The following GRIN3A variants were observed in gnomAD, a reference collection of about 807,000 sequenced individuals.
GRIN3A encodes glutamate ionotropic receptor NMDA type subunit 3A, also known as glutamate receptor ionotropic, NMDA 3A.
Under a neutral mutation model 92.4 loss-of-function variants are expected in GRIN3A, and 47 were observed. The observed-to-expected ratio is 0.51, with a 90% CI of 0.40 to 0.65. The LOEUF (loss-of-function observed/expected upper bound fraction) is 0.65. GRIN3A is among the 30% of genes least tolerant of loss of function. The pLI is 0.00. For synonymous variants in GRIN3A, 527 were observed against 540.6 expected, an observed-to-expected ratio of 0.97 and a Z score of 0.35; for missense variants, 1,324 against 1,393.1, an observed-to-expected ratio of 0.95 and a Z score of 0.79.
chr9:101,597,370 C>T (rs2118821405), intron 6 of GRIN3A, among the ~76,000 whole-genome samples: 1 of 152,206 alleles, frequency 6.6e-6, no homozygotes, highest in African/African-American at 2.4e-5. Context: ...ACATGCTCTT[C>T]CTTATAAGAA....
chr9:101,649,464 T>C (rs563661739), intron 3 of GRIN3A, among the ~76,000 whole-genome samples: 1 of 151,926 alleles, frequency 6.6e-6, no homozygotes, highest in South Asian at 2.1e-4. Flanking sequence ...AGGGCAAGAG[T>C]GGGCTTTTCA....
At chr9:101,576,352 A>G (rs1389567376) in intron 8 of GRIN3A, among the ~76,000 whole-genome samples, 1 of 152,202 alleles carries the variant, frequency 6.6e-6, no homozygotes. Context: ...GTATAGAGGT[A>G]GGCACAGGAA....
intron 2 of GRIN3A, among the ~76,000 whole-genome samples, chr9:101,684,837 C>T (rs931705934): frequency 2.0e-5 from 3 of 152,254 alleles, no homozygotes; most frequent in Non-Finnish European, 4.4e-5. Context: ...AGTGGTTTTT[C>T]CTGGCTGCTG....
intron 3 of GRIN3A, among the ~76,000 whole-genome samples, chr9:101,629,429 A>T (rs1828683260): frequency 6.6e-6 from 1 of 152,194 alleles, no homozygotes; most frequent in Non-Finnish European, 1.5e-5. Context: ...TCGTTCATTT[A>T]TTCAACACTT....
intron 6 of GRIN3A, among the ~76,000 whole-genome samples, chr9:101,606,888 G>A (rs959043328): frequency 6.7e-6 from 1 of 149,684 alleles, no homozygotes; most frequent in African/African-American, 2.5e-5. Flanking sequence ...ATTCACTTGG[G>A]GAGTTGAAAA....
At position 101,670,982 on chromosome 9, in the gene GRIN3A, A is replaced by G. The variant is rs771699119; in HGVS notation, c.1430T>C (p.Met477Thr). 27 of 1,613,882 alleles carry G rather than the reference A, an allele frequency of 1.7e-5. No individual in the cohort carries two copies. The highest frequency in any genetic ancestry group is 5.0e-5 in the Admixed American group (3 of 59,984). Residue 477 changes from methionine (M) to threonine (T), a missense_variant, in exon 3 of 9, where the codon ATG becomes ACG. Coordinates refer to ENST00000361820, the MANE Select transcript of GRIN3A (RefSeq NM_133445.3). ...CTGCCAGCTGCCCAAGCGGGTCCAC[A>G]TTGGCTTTCCCATGGGGTCATGTTG... is the stretch of plus-strand genomic sequence containing the variant. ...NLQHDPMGKP[M>T]WTRLGSWQGG...
intron 5 of GRIN3A, 109 bp downstream of exon 5, chr9:101,623,209 G>C: frequency 1.3e-6 from 1 of 763,600 alleles, no homozygotes; most frequent in Non-Finnish European, 2.4e-6. Flanking sequence ...AAATGAAAAC[G>C]AGGGAAGATG....
chr9:101,630,961 T>C (rs1828702372), intron 3 of GRIN3A, among the ~76,000 whole-genome samples: 1 of 152,236 alleles, frequency 6.6e-6, no homozygotes, highest in Admixed American at 6.5e-5. Flanking sequence ...TTTATCCATT[T>C]AACTTATATG....
intron 6 of GRIN3A, among the ~76,000 whole-genome samples, chr9:101,609,029 A>G (rs761286410): frequency 6.6e-6 from 1 of 152,148 alleles, no homozygotes; most frequent in Non-Finnish European, 1.5e-5. Context: ...TTCAACATGT[A>G]TTCTTCTGTC....
intron 1 of GRIN3A, among the ~76,000 whole-genome samples, chr9:101,714,719 T>G (rs1829922197): frequency 6.6e-6 from 1 of 152,056 alleles, no homozygotes; most frequent in African/African-American, 2.4e-5. Context: ...CAAGATAAAT[T>G]TTTTTCTGGG....
chr9:101,702,451 C>T (rs1488608579), intron 1 of GRIN3A, among the ~76,000 whole-genome samples: 2 of 152,200 alleles, frequency 1.3e-5, no homozygotes, highest in Non-Finnish European at 2.9e-5. Flanking sequence ...CTCACCTCTA[C>T]ATACCTTTCA....
intron 1 of GRIN3A, among the ~76,000 whole-genome samples, chr9:101,700,701 A>G (rs908078576): frequency 6.6e-6 from 1 of 152,190 alleles, no homozygotes; most frequent in African/African-American, 2.4e-5. Context: ...AGAATGTATC[A>G]ATATTGGGTC....
At position 101,737,785 on chromosome 9, in the gene GRIN3A, G is replaced by A. The variant is rs1288458601; in HGVS notation, c.195C>T (p.Ala65=). The A allele has an allele frequency of 2.6e-6, 4 of 1,528,080 alleles. No individual in the cohort carries two copies. In the Admixed American group the frequency reaches 5.9e-5, roughly 23 times the overall value. The allele number at this position is 1,528,080 out of a possible 1,614,324, so 94.7% of individuals were successfully genotyped here. A position where few individuals can be genotyped will look rare whatever the true frequency, so the allele number is the denominator to read the frequency against. Residue 65 remains alanine (A), a synonymous_variant, in exon 1 of 9, where the codon GCC becomes GCT. Transcript: ENST00000361820. ...LQPWTTAPRA[A]SRAPDDSRAG... is the part of the protein sequence containing the mutation. ...CTCGGCTGTCGTCCGGAGCGCGGCT[G>A]GCCGCGCGGGGGGCGGTGGTCCAGG... is the stretch of plus-strand genomic sequence containing the variant.
chr9:101,737,667 G>A lies in GRIN3A; in HGVS notation c.313C>T (p.Arg105Trp). The A allele has an allele frequency of 2.5e-6, 4 of 1,591,690 alleles. No individual in the cohort carries two copies. The highest frequency in any genetic ancestry group is 1.1e-5 in the South Asian group (1 of 89,416). The change falls in exon 1 of 9, where the codon CGG becomes TGG. Residue 105 changes from arginine (R) to tryptophan (W), a missense_variant. Arg to Trp is a moderately radical substitution (Grantham distance 101). Transcript: ENST00000361820. The part of the protein sequence containing the change: ...ARWLGSTLHG[R>W]GPPGSRKPGE... The stretch of plus-strand genomic sequence containing the variant: ...GGCTTACGGGAGCCCGGCGGCCCCC[G>A]GCCATGCAGGGTGCTCCCCAACCAG...
At chr9:101,619,388 G>T (rs11998854) in intron 5 of GRIN3A, among the ~76,000 whole-genome samples, 18,357 of 152,094 alleles carry the variant, frequency 0.12, 1,969 homozygotes, top group African/African-American at 0.29. Context: ...TTGAGACTTA[G>T]GAAGACTATC....
intron 3 of GRIN3A, among the ~76,000 whole-genome samples, chr9:101,641,780 T>C (rs1422951368): frequency 2.1e-5 from 3 of 145,592 alleles, no homozygotes; most frequent in Non-Finnish European, 4.5e-5. Context: ...TAAAGTATAA[T>C]AACAATAAAA....
intron 3 of GRIN3A, among the ~76,000 whole-genome samples, chr9:101,661,524 A>AT (rs941287938): frequency 6.6e-6 from 1 of 151,704 alleles, no homozygotes; most frequent in Non-Finnish European, 1.5e-5. Context: ...TTATATTTTG[A>AT]TTTTTTGACA....
chr9:101,612,493 C>A, intron 6 of GRIN3A, among the ~76,000 whole-genome samples: 1 of 152,302 alleles, frequency 6.6e-6, no homozygotes, highest in South Asian at 2.1e-4. Context: ...AAGGTGGATA[C>A]ATGGCCTGGA....
At chr9:101,611,920 G>A (rs1004115157) in intron 6 of GRIN3A, among the ~76,000 whole-genome samples, 4 of 152,166 alleles carry the variant, frequency 2.6e-5, no homozygotes, top group Non-Finnish European at 4.4e-5. Context: ...AAGTGTCAGA[G>A]GATGGAGTAT....
Sources: gnomAD v4.1 joint callset for allele counts (sites outside exome capture counted in the v4.1 genomes callset) on GRCh38, gnomAD v4.1.1 for gene constraint, MANE v1.5 for transcripts, NCBI Gene and HGNC (gene_info 2026-07-23, HGNC 2026-07-21) for gene names.